Variants in NEDD4L observed in about 807,000 individuals in gnomAD.
NEDD4L encodes E3 ubiquitin-protein ligase NEDD4-like.
NEDD4L carries 54 observed loss-of-function variants against 148.9 expected under a neutral mutation model. The ratio of observed to expected loss-of-function variants is 0.36; its 90% CI spans 0.29 to 0.45. NEDD4L has a LOEUF of 0.45. NEDD4L is among the 20% of genes least tolerant of loss of function. The pLI is 1.00. For missense variants in NEDD4L, 856 were observed against 1,233.8 expected, an observed-to-expected ratio of 0.69 and a Z score of 4.59; for synonymous variants, 433 against 440.7, an observed-to-expected ratio of 0.98 and a Z score of 0.22.
chr18:58,146,281 C>T lies in NEDD4L; in HGVS notation c.49-19507C>T, dbSNP rs189463862. Among the ~76,000 whole-genome samples, 574 of 152,176 alleles carry T rather than the reference C, an allele frequency of 3.8e-3. 2 individuals carry two copies. The highest frequency in any genetic ancestry group is 0.013 in the African/African-American group (520 of 41,506). On this transcript the variant is annotated intron_variant, in intron 1 of 30. Transcript: ENST00000400345. ...TGAGGTTTCTAGAGATGAGGTGGTGCGTGGTGGCCCAGTCCAGCATGGCTC... is the reference window on the plus strand; with the variant it reads ...TGAGGTTTCTAGAGATGAGGTGGTGTGTGGTGGCCCAGTCCAGCATGGCTC...
intron 5 of NEDD4L, among the ~76,000 whole-genome samples, chr18:58,260,744 G>C (rs1005147086): frequency 2.0e-5 from 3 of 152,202 alleles, no homozygotes; most frequent in Admixed American, 2.0e-4. Context: ...TGCTTCCTGT[G>C]ATGTGACAGT....
intron 2 of NEDD4L, among the ~76,000 whole-genome samples, chr18:58,204,594 A>G (rs990431669): frequency 6.6e-6 from 1 of 152,192 alleles, no homozygotes; most frequent in African/African-American, 2.4e-5. Flanking sequence ...ATGAATGAGC[A>G]GGCGTCTAAG....
At chr18:58,386,842 G>T (rs2049094930) in intron 26 of NEDD4L, among the ~76,000 whole-genome samples, 1 of 152,126 alleles carries the variant, frequency 6.6e-6, no homozygotes, top group Admixed American at 6.5e-5. Flanking sequence ...AGAATGGCAG[G>T]TTTCACTCTT....
intron 1 of NEDD4L, among the ~76,000 whole-genome samples, chr18:58,150,372 C>A (rs914868774): frequency 1.3e-5 from 2 of 152,306 alleles, no homozygotes; most frequent in African/African-American, 2.4e-5. Flanking sequence ...GTAGCTGGGA[C>A]TACAGGCATG....
intron 6 of NEDD4L, among the ~76,000 whole-genome samples, chr18:58,316,431 G>A (rs568607118): frequency 1.7e-4 from 26 of 152,268 alleles, no homozygotes; most frequent in African/African-American, 5.3e-4. Context: ...GTCTGGAACC[G>A]CACATGCCAT....
rs201778030 is a variant in NEDD4L at position 58,234,125 on chromosome 18, CT to C, written c.123-11295del. Among the ~76,000 whole-genome samples, 543 of 105,210 alleles carry C rather than the reference CT, an allele frequency of 5.2e-3. 6 individuals carry two copies. The highest frequency in any genetic ancestry group is 0.013 in the African/African-American group (280 of 22,332). The allele number at this position is 105,210 out of a possible 152,430, so 69.0% of individuals were successfully genotyped here. ...TCTTTTCTTTTCTTTTCTTTTCCTT[CT>C]TTTTTTCTTTCTTTCTCTCTCTCTT... On this transcript the variant is annotated intron_variant, in intron 2 of 30. Transcript: ENST00000400345.
chr18:58,132,426 G>A (rs2032287059), intron 1 of NEDD4L, among the ~76,000 whole-genome samples: 1 of 152,204 alleles, frequency 6.6e-6, no homozygotes, highest in South Asian at 2.1e-4. Flanking sequence ...TACAGTGATG[G>A]AGTAAACCTT....
rs114449006 is a variant in NEDD4L, at chr18:58,267,592, T to A, written c.297+15538T>A. 3.0e-3 allele frequency among the ~76,000 whole-genome samples: 460 copies of A among 152,180 alleles called. 4 individuals carry two copies. Among genetic ancestry groups the A allele is most frequent in the African/African-American group, 0.011 (443 of 41,524 alleles). On this transcript the variant is annotated intron_variant, in intron 5 of 30. Coordinates refer to ENST00000400345, the MANE Select transcript of NEDD4L (RefSeq NM_001144967.3). ...GAATACCAGGAAAGATCATGGATTG[T>A]CTCGGGAGTTAGTCTCCCCCTTAGT...
At position 58,335,519 on chromosome 18, in the gene NEDD4L, G is replaced by A. The variant is rs760233002; in HGVS notation, c.1107G>A (p.Thr369=). The change falls in exon 13 of 31, where the codon ACG becomes ACA. Residue 369 remains threonine, a synonymous_variant. Coordinates refer to ENST00000400345, the MANE Select transcript of NEDD4L (RefSeq NM_001144967.3). The part of the protein sequence containing the change: ...PAGRARSSTV[T]GGEEPTPSVA... ...GGAGAGCGCGTTCATCAACTGTCAC[G>A]GGTGGTGAGGAACCAACGGTAATGA... 47 of 1,613,252 alleles carry A rather than the reference G, an allele frequency of 2.9e-5. 1 individual carries two copies. Among genetic ancestry groups the A allele is most frequent in the African/African-American group, 6.7e-5 (5 of 74,938 alleles).
At chr18:58,263,181 A>G (rs1020793267) in intron 5 of NEDD4L, among the ~76,000 whole-genome samples, 6 of 152,138 alleles carry the variant, frequency 3.9e-5, no homozygotes, top group Non-Finnish European at 8.8e-5. Context: ...CAACCTCCCT[A>G]TTTCTGGAAA....
chr18:58,153,940 C>T (rs1013259462), intron 1 of NEDD4L, among the ~76,000 whole-genome samples: 2 of 152,200 alleles, frequency 1.3e-5, no homozygotes, highest in Non-Finnish European at 1.5e-5. Flanking sequence ...AGTCACCGCA[C>T]CCGGCCCGAA....
Position 58,266,550 on chromosome 18 carries a change from A to G in NEDD4L, c.297+14496A>G, listed in dbSNP as rs532036657. 1.4e-4 allele frequency among the ~76,000 whole-genome samples: 22 copies of G among 152,170 alleles called. No individual in the cohort carries two copies. In the East Asian group the frequency reaches 3.9e-3, roughly 27 times the overall value. ...ACTGGAGAAATACTGAGGTTCCCCCACTCCAGCTCTTTCACTCCATTGCAA... is the reference window on the plus strand; with the variant it reads ...ACTGGAGAAATACTGAGGTTCCCCCGCTCCAGCTCTTTCACTCCATTGCAA... On this transcript the variant is annotated intron_variant, in intron 5 of 30. Coordinates refer to ENST00000400345, the MANE Select transcript of NEDD4L (RefSeq NM_001144967.3).
chr18:58,133,308 C>T (rs1364488815), intron 1 of NEDD4L, among the ~76,000 whole-genome samples: 1 of 152,138 alleles, frequency 6.6e-6, no homozygotes, highest in Non-Finnish European at 1.5e-5. Context: ...TCCACTGCTC[C>T]CCTGTTTACA....
intron 2 of NEDD4L, among the ~76,000 whole-genome samples, chr18:58,200,964 G>C (rs1300700273): frequency 6.6e-6 from 1 of 152,088 alleles, no homozygotes; most frequent in Non-Finnish European, 1.5e-5. Context: ...ATTCACTTTT[G>C]GTGGACTAAG....
At chr18:58,104,904 G>A (rs2084979282) in intron 1 of NEDD4L, among the ~76,000 whole-genome samples, 1 of 126,814 alleles carries the variant, frequency 7.9e-6, no homozygotes, top group Non-Finnish European at 1.6e-5. Context: ...ATTACAGCAC[G>A]TTGTTGCAGG....
chr18:58,369,637 G>C (rs2046576142), intron 22 of NEDD4L, among the ~76,000 whole-genome samples: 1 of 152,216 alleles, frequency 6.6e-6, no homozygotes, highest in African/African-American at 2.4e-5. Context: ...GTGGGTGCCT[G>C]GTGGGGGGAT....
At chr18:58,128,735 G>A (rs1049390589) in intron 1 of NEDD4L, among the ~76,000 whole-genome samples, 2 of 152,314 alleles carry the variant, frequency 1.3e-5, no homozygotes, top group South Asian at 2.1e-4. Flanking sequence ...GCCCTTCCCC[G>A]CTTAATGCGT....
chr18:58,123,055 A>G (rs750481436), intron 1 of NEDD4L, among the ~76,000 whole-genome samples: 2 of 152,102 alleles, frequency 1.3e-5, no homozygotes, highest in Non-Finnish European at 2.9e-5. Context: ...TATATCTGTT[A>G]TACTGTTCTT....
chr18:58,148,784 CT>C (rs1472868844), intron 1 of NEDD4L, among the ~76,000 whole-genome samples: 6 of 152,236 alleles, frequency 3.9e-5, no homozygotes, highest in African/African-American at 1.4e-4. Flanking sequence ...GGGAGACACA[CT>C]TCTACCCATA....
Sources: allele counts gnomAD v4.1 joint callset (sites outside exome capture counted in the v4.1 genomes callset), GRCh38; gene constraint gnomAD v4.1.1; transcripts MANE v1.5; gene names NCBI Gene and HGNC (gene_info 2026-07-23, HGNC 2026-07-21).